NXPH1: variants seen among roughly 807,000 people sequenced by gnomAD.
The protein encoded by NXPH1 is neurexophilin 1.
In NXPH1, 5 loss-of-function variants were observed where a neutral mutation model predicts 23.7. The observed-to-expected ratio is 0.21, with a 90% CI of 0.11 to 0.44. NXPH1 has a LOEUF of 0.44. Among genes scored for constraint, NXPH1 ranks in the 20% least tolerant of loss-of-function variants. The pLI, the probability that NXPH1 is intolerant of heterozygous loss-of-function variation, is 0.99. For synonymous variants in NXPH1, 144 were observed against 122.2 expected (o/e 1.18, Z -1.18); for missense variants, 324 against 321.6 (o/e 1.01, Z -0.06).
At chr7:8,454,019 C>CA (rs1816549613) in intron 2 of NXPH1, among the ~76,000 whole-genome samples, 1 of 152,076 alleles carries the variant, frequency 6.6e-6, no homozygotes, top group Admixed American at 6.5e-5. Context: ...TGTTTGCACT[C>CA]ATAAGTGCGA....
At chr7:8,468,154 C>A (rs1272610247) in intron 2 of NXPH1, among the ~76,000 whole-genome samples, 2 of 151,906 alleles carry the variant, frequency 1.3e-5, no homozygotes, top group African/African-American at 4.8e-5. Context: ...AATAAATAAT[C>A]AATATAAATG....
chr7:8,693,488 G>A (rs1215405196), intron 2 of NXPH1, among the ~76,000 whole-genome samples: 1 of 152,162 alleles, frequency 6.6e-6, no homozygotes, highest in Non-Finnish European at 1.5e-5. Flanking sequence ...TCTAACTCCT[G>A]TCTGTTTATC....
chr7:8,498,059 T>G (rs1446146644), intron 2 of NXPH1, among the ~76,000 whole-genome samples: 1 of 152,116 alleles, frequency 6.6e-6, no homozygotes, highest in Non-Finnish European at 1.5e-5. Context: ...GAGACAATCA[T>G]AGGGCTCTGC....
At chr7:8,484,035 A>C (rs1817118646) in intron 2 of NXPH1, among the ~76,000 whole-genome samples, 1 of 147,630 alleles carries the variant, frequency 6.8e-6, no homozygotes, top group Non-Finnish European at 1.5e-5. Flanking sequence ...CTTGTCTGGG[A>C]AGCCATTTGC....
At chr7:8,585,086 T>C (rs1404949000) in intron 2 of NXPH1, among the ~76,000 whole-genome samples, 1 of 152,356 alleles carries the variant, frequency 6.6e-6, no homozygotes, top group East Asian at 1.9e-4. Flanking sequence ...TACCTAATAT[T>C]TTTACTGCTC....
chr7:8,571,429 G>A (rs1030418115), intron 2 of NXPH1, among the ~76,000 whole-genome samples: 1 of 151,708 alleles, frequency 6.6e-6, no homozygotes, highest in Non-Finnish European at 1.5e-5. Flanking sequence ...GAAATTTGGG[G>A]GGAACAGAGG....
At position 8,710,960 on chromosome 7, in the gene NXPH1, C is replaced by T. The variant is rs188897046; in HGVS notation, c.55-40048C>T. Among the ~76,000 whole-genome samples the T allele has an allele frequency of 4.8e-4, 73 of 152,168 alleles. 5 individuals are homozygous for T. The highest frequency in any genetic ancestry group is 9.4e-4 in the Non-Finnish European group (64 of 68,020). ...TACAGGCGTGAGCCACCGCGCCCGG[C>T]CGTTACGGTTTTATGATAACACAAG... On this transcript the variant is annotated intron_variant, in intron 2 of 2. Coordinates refer to ENST00000405863, the MANE Select transcript of NXPH1 (RefSeq NM_152745.3).
chr7:8,632,221 T>C (rs986044471), intron 2 of NXPH1, among the ~76,000 whole-genome samples: 2 of 152,184 alleles, frequency 1.3e-5, no homozygotes, highest in Non-Finnish European at 2.9e-5. Flanking sequence ...AATAAATATA[T>C]TGAATTAAGA....
At chr7:8,745,073 C>T (rs1405744845) in intron 2 of NXPH1, among the ~76,000 whole-genome samples, 2 of 152,172 alleles carry the variant, frequency 1.3e-5, no homozygotes, top group East Asian at 1.9e-4. Flanking sequence ...AGTTTAAATG[C>T]CTTAGCAGCA....
At position 8,449,744 on chromosome 7, in the gene NXPH1, C is replaced by A. The variant is rs111622945; in HGVS notation, c.54+13977C>A. Among the ~76,000 whole-genome samples the A allele has an allele frequency of 3.4e-3, 522 of 152,246 alleles. 1 individual carries two copies. The highest frequency in any genetic ancestry group is 0.012 in the African/African-American group (497 of 41,528). ...AATATTTCAAAAGAAATAACTGTTG[C>A]CTTCCATTTCAATTAAGAGTTCTTT... On this transcript the variant is annotated intron_variant, in intron 2 of 2. Transcript: ENST00000405863.
intron 2 of NXPH1, among the ~76,000 whole-genome samples, chr7:8,557,325 C>T (rs1341348396): frequency 1.3e-5 from 2 of 151,684 alleles, no homozygotes; most frequent in Non-Finnish European, 3.0e-5. Context: ...GACCCCTCTT[C>T]CTAAGGCAGG....
At chr7:8,569,483 A>C (rs1221194427) in intron 2 of NXPH1, among the ~76,000 whole-genome samples, 1 of 151,964 alleles carries the variant, frequency 6.6e-6, no homozygotes, top group Admixed American at 6.6e-5. Flanking sequence ...TTAGCAATAC[A>C]TACTGATAAA....
chr7:8,584,284 A>T (rs1413702826), intron 2 of NXPH1, among the ~76,000 whole-genome samples: 2 of 152,146 alleles, frequency 1.3e-5, no homozygotes, highest in Non-Finnish European at 2.9e-5. Context: ...AACTTTCTTA[A>T]CTGTGAAGAT....
intron 2 of NXPH1, among the ~76,000 whole-genome samples, chr7:8,716,907 T>C (rs997153323): frequency 1.3e-5 from 2 of 152,214 alleles, no homozygotes; most frequent in African/African-American, 4.8e-5. Flanking sequence ...GATTATTTCT[T>C]CACCTCCCTA....
intron 2 of NXPH1, among the ~76,000 whole-genome samples, chr7:8,441,787 G>A (rs1584156676): frequency 6.6e-6 from 1 of 152,362 alleles, no homozygotes; most frequent in African/African-American, 2.4e-5. Flanking sequence ...AGTTTGCCCT[G>A]CCCTCGCGGG....
At chr7:8,628,205 G>T (rs900978847) in intron 2 of NXPH1, among the ~76,000 whole-genome samples, 1 of 152,006 alleles carries the variant, frequency 6.6e-6, no homozygotes, top group Admixed American at 6.6e-5. Flanking sequence ...TTCCTCAAAA[G>T]ATTTTCACAG....
At chr7:8,655,446 CTCT>C (rs1438774398) in intron 2 of NXPH1, among the ~76,000 whole-genome samples, 52 of 61,016 alleles carry the variant, frequency 8.5e-4, no homozygotes, top group African/African-American at 2.5e-3. Context: ...CTCTCTCTCT[CTCT>C]ATACACACAC....
intron 2 of NXPH1, 63 bp from the exon 3 acceptor site, chr7:8,750,945 T>C: frequency 6.7e-7 from 1 of 1,483,242 alleles, no homozygotes; most frequent in Non-Finnish European, 9.3e-7. Flanking sequence ...GGCTTAGATC[T>C]ATGCATTGGG....
chr7:8,700,101 G>T (rs1779598399), intron 2 of NXPH1, among the ~76,000 whole-genome samples: 1 of 152,110 alleles, frequency 6.6e-6, no homozygotes, highest in Non-Finnish European at 1.5e-5. Flanking sequence ...CAGAGCACAT[G>T]TTTAAAAGCT....
Sources: allele counts gnomAD v4.1 joint callset (sites outside exome capture counted in the v4.1 genomes callset), GRCh38; gene constraint gnomAD v4.1.1; transcripts MANE v1.5; gene names NCBI Gene and HGNC (gene_info 2026-07-23, HGNC 2026-07-21).